Variants in ZDHHC15 observed in about 807,000 individuals in gnomAD.
The protein encoded by ZDHHC15 is zDHHC palmitoyltransferase 15, also known as palmitoyltransferase ZDHHC15.
A neutral mutation model predicts 31.7 loss-of-function variants in ZDHHC15; 19 were observed. That is an observed-to-expected ratio of 0.60 (90% CI 0.42 to 0.88). The LOEUF (loss-of-function observed/expected upper bound fraction) is 0.88. Ranked by LOEUF, ZDHHC15 falls within the 40% of genes least tolerant of loss-of-function variation. ZDHHC15 has a pLI of 0.00. For missense variants in ZDHHC15, 209 were observed against 251.2 expected (o/e 0.83, Z 1.14); for synonymous variants, 103 against 90.0 (o/e 1.14, Z -0.82).
chrX:75,388,683 A>G (rs2083207106), intron 10 of ZDHHC15, among the ~76,000 whole-genome samples: 1 of 111,851 alleles, frequency 8.9e-6, no homozygotes, highest in South Asian at 3.7e-4. Context: ...GAGCTGCAAA[A>G]CAACCAGAAA....
intron 10 of ZDHHC15, among the ~76,000 whole-genome samples, chrX:75,394,080 C>T (rs1267176209): frequency 8.9e-6 from 1 of 111,818 alleles, no homozygotes; most frequent in Non-Finnish European, 1.9e-5. Flanking sequence ...CCTTTGGCAA[C>T]ACCATCACAG....
intron 2 of ZDHHC15, among the ~76,000 whole-genome samples, chrX:75,491,523 C>T (rs1351359088): frequency 9.4e-5 from 10 of 105,951 alleles, no homozygotes; most frequent in South Asian, 4.6e-4. Context: ...ATACCTAATG[C>T]TAAATGACGA....
intron 3 of ZDHHC15, among the ~76,000 whole-genome samples, chrX:75,465,054 C>T (rs1381020183): frequency 3.6e-5 from 4 of 112,070 alleles, no homozygotes; most frequent in Non-Finnish European, 7.5e-5. Flanking sequence ...ATGTAGAAAA[C>T]CCTATTGTCT....
At chrX:75,387,495 A>T (rs1367275925) in intron 10 of ZDHHC15, among the ~76,000 whole-genome samples, 1 of 112,125 alleles carries the variant, frequency 8.9e-6, no homozygotes, top group East Asian at 2.8e-4. Flanking sequence ...ATCAGACAGA[A>T]ATCATGAAAC....
intron 4 of ZDHHC15, among the ~76,000 whole-genome samples, chrX:75,445,188 C>T (rs528177654): frequency 5.7e-4 from 63 of 110,798 alleles, no homozygotes; most frequent in South Asian, 2.7e-3. Context: ...TATAGAGAAC[C>T]CTACTGATAG....
intron 1 of ZDHHC15, among the ~76,000 whole-genome samples, chrX:75,514,868 G>A (rs978930538): frequency 8.1e-5 from 9 of 110,964 alleles, no homozygotes; most frequent in East Asian, 2.8e-4. Context: ...TCAAATAGAC[G>A]CAATAAAAAA....
chrX:75,427,606 G>A (rs1010045933), intron 7 of ZDHHC15, among the ~76,000 whole-genome samples: 11 of 111,215 alleles, frequency 9.9e-5, no homozygotes, highest in African/African-American at 3.6e-4. Flanking sequence ...CCTGCTGATT[G>A]GACATAGTAG....
chrX:75,492,865 A>C (rs1161140388), intron 2 of ZDHHC15, among the ~76,000 whole-genome samples: 11 of 111,906 alleles, frequency 9.8e-5, no homozygotes, highest in Non-Finnish European at 1.7e-4. Flanking sequence ...CATCACAATT[A>C]AAAGAACTAG....
At chrX:75,520,947 C>A (rs1397823100) in intron 1 of ZDHHC15, among the ~76,000 whole-genome samples, 1 of 110,937 alleles carries the variant, frequency 9.0e-6, no homozygotes, top group Non-Finnish European at 1.9e-5. Context: ...AAAAGAGGAT[C>A]ATCTCCTGCC....
chrX:75,481,901 T>A (rs1174354931), intron 2 of ZDHHC15, among the ~76,000 whole-genome samples: 4 of 112,387 alleles, frequency 3.6e-5, no homozygotes, highest in Admixed American at 2.8e-4. Flanking sequence ...TCTTTGAGCC[T>A]AACACTTAGC....
At chrX:75,377,357 C>T (rs1472087842) in intron 11 of ZDHHC15, among the ~76,000 whole-genome samples, 2 of 109,892 alleles carry the variant, frequency 1.8e-5, no homozygotes, top group South Asian at 4.0e-4. Context: ...AGCAGCCGGG[C>T]GTGGTGGCAC....
intron 2 of ZDHHC15, among the ~76,000 whole-genome samples, chrX:75,499,398 C>T (rs1429201321): frequency 9.0e-6 from 1 of 111,364 alleles, no homozygotes; most frequent in Non-Finnish European, 1.9e-5. Flanking sequence ...GACTAATATC[C>T]AGAATCTACA....
chrX:75,472,560 C>T (rs1409477956), intron 3 of ZDHHC15, among the ~76,000 whole-genome samples: 2 of 112,196 alleles, frequency 1.8e-5, no homozygotes, highest in African/African-American at 6.5e-5. Flanking sequence ...GGATGGACCT[C>T]TCTGAGTGGT....
chrX:75,495,561 G>A (rs1326276610), intron 2 of ZDHHC15, among the ~76,000 whole-genome samples: 2 of 110,918 alleles, frequency 1.8e-5, no homozygotes, highest in African/African-American at 3.3e-5. Context: ...ACTGGATTAA[G>A]AAAATGTGGC....
chrX:75,513,875 T>TA (rs1172038066), intron 1 of ZDHHC15, among the ~76,000 whole-genome samples: 3 of 95,205 alleles, frequency 3.2e-5, no homozygotes, highest in Non-Finnish European at 6.2e-5. Flanking sequence ...ACTTTTTACA[T>TA]AACAAAAAAA....
At chrX:75,476,887 T>A (rs913524451) in intron 3 of ZDHHC15, among the ~76,000 whole-genome samples, 6 of 110,811 alleles carry the variant, frequency 5.4e-5, no homozygotes, top group African/African-American at 2.0e-4. Context: ...TTTGTTTACT[T>A]CTGTTCTAAT....
At chrX:75,502,881 T>C (rs1208543771) in intron 2 of ZDHHC15, among the ~76,000 whole-genome samples, 1 of 111,067 alleles carries the variant, frequency 9.0e-6, no homozygotes, top group South Asian at 3.8e-4. Flanking sequence ...GTATGATCTA[T>C]GGGAAAACAT....
intron 10 of ZDHHC15, among the ~76,000 whole-genome samples, chrX:75,381,050 G>T (rs898201505): frequency 1.8e-5 from 2 of 111,207 alleles, no homozygotes; most frequent in Non-Finnish European, 3.8e-5. Context: ...GAAAACTTAG[G>T]TTGAGTCACC....
intron 3 of ZDHHC15, among the ~76,000 whole-genome samples, chrX:75,471,061 A>G (rs1186336416): frequency 8.9e-6 from 1 of 112,154 alleles, no homozygotes; most frequent in Admixed American, 9.4e-5. Flanking sequence ...AAGCTTCACG[A>G]TGACTCCAAT....
Sources: gnomAD v4.1 joint callset for allele counts (sites outside exome capture counted in the v4.1 genomes callset) on GRCh38, gnomAD v4.1.1 for gene constraint, MANE v1.5 for transcripts, NCBI Gene and HGNC (gene_info 2026-07-23, HGNC 2026-07-21) for gene names.